The following ZFP62 variants were observed in gnomAD, a reference collection of about 807,000 sequenced individuals.
ZFP62 encodes zinc finger protein 62 homolog.
In ZFP62, 44 loss-of-function variants were observed where a neutral mutation model predicts 56.4. That is an observed-to-expected ratio of 0.78 (90% CI 0.61 to 1.00). The LOEUF (loss-of-function observed/expected upper bound fraction) is 1.00. Among genes scored for constraint, ZFP62 ranks in the 50% least tolerant of loss-of-function variants. The probability of loss-of-function intolerance (pLI) is 0.00; values close to 1 mark genes in which losing one functional copy is unlikely to be tolerated. For missense variants in ZFP62, 1,030 were observed against 1,085.7 expected (o/e 0.95, Z 0.72); for synonymous variants, 421 against 388.9 (o/e 1.08, Z -0.97).
chr5:180,828,864 G>A, the ZFP62 span, among the ~76,000 whole-genome samples: 37 of 152,306 alleles, frequency 2.4e-4, no homozygotes, highest in African/African-American at 8.4e-4. Flanking sequence ...TCTTTTCCTA[G>A]CAAGGAATAT....
chr5:180,852,463 A>C (rs1047410267), intron 1 of ZFP62, among the ~76,000 whole-genome samples: 2 of 151,336 alleles, frequency 1.3e-5, no homozygotes, highest in African/African-American at 2.4e-5. Flanking sequence ...CTGAGGGAGG[A>C]GAATCACTTG....
the ZFP62 span, among the ~76,000 whole-genome samples, chr5:180,828,778 A>G: frequency 6.6e-6 from 1 of 152,256 alleles, no homozygotes; most frequent in Admixed American, 6.5e-5. Context: ...CTGCGGGGTC[A>G]GGCAAAAAGA....
chr5:180,832,632 C>T, the ZFP62 span: 2 of 152,274 alleles, frequency 1.3e-5, no homozygotes, highest in East Asian at 3.9e-4. Context: ...ACAGTGTTTT[C>T]ACTTTCTATC....
the ZFP62 span, among the ~76,000 whole-genome samples, chr5:180,833,435 C>T: frequency 0.043 from 6,324 of 147,960 alleles, 395 homozygotes; most frequent in African/African-American, 0.14. Context: ...GCTGAGACTG[C>T]GCCACTGCAC....
the ZFP62 span, among the ~76,000 whole-genome samples, chr5:180,839,829 T>A: frequency 2.6e-5 from 4 of 152,316 alleles, no homozygotes; most frequent in African/African-American, 9.6e-5. Context: ...TCTGCTTGCC[T>A]CCTACCCCCT....
chr5:180,847,004 C>T (rs141660299), downstream of ZFP62, among the ~76,000 whole-genome samples: 20 of 152,266 alleles, frequency 1.3e-4, no homozygotes, highest in East Asian at 1.2e-3. Flanking sequence ...CCTTCCCCAC[C>T]GCAGCCATCA....
chr5:180,848,999 C>T lies in ZFP62; in HGVS notation c.2496G>A (p.Arg832=), dbSNP rs1773528381. 1 of 1,551,762 alleles carries T rather than the reference C, an allele frequency of 6.4e-7. No homozygotes were observed. Among genetic ancestry groups the T allele is most frequent in the East Asian group, 2.4e-5 (1 of 40,922 alleles). Residue 832 remains arginine, a synonymous_variant, in exon 2 of 2, where the codon AGG becomes AGA. Transcript: ENST00000502412. ...NYRSVLDQHK[R]IHTGKKPYRC... Reference sequence around the variant, plus strand: ...GGTATGGCTTCTTTCCAGTGTGGATCCTTTTGTGCTGGTCAAGGACTGATC... The same window carrying T: ...GGTATGGCTTCTTTCCAGTGTGGATTCTTTTGTGCTGGTCAAGGACTGATC...
rs1270549860 is a variant in ZFP62, at chr5:180,858,197, C to T, written c.1+3022G>A. On this transcript the variant is annotated intron_variant, in intron 1 of 1. Transcript: ENST00000502412. ...GCCTGAATCCAGAAGGTGGAGGTTG[C>T]AGTAAGCTGAGATTGTGCCATTGCA... Among the ~76,000 whole-genome samples, 9 of 116,484 alleles carry T rather than the reference C, an allele frequency of 7.7e-5. No individual in the cohort carries two copies. In the Admixed American group the frequency reaches 1.2e-3, roughly 15 times the overall value. 76.4% of individuals were successfully genotyped at this position (116,484 alleles called of 152,430 possible).
the ZFP62 span, chr5:180,835,538 C>A: frequency 2.6e-5 from 4 of 152,172 alleles, no homozygotes; most frequent in Non-Finnish European, 5.9e-5. Context: ...AATTTTCTTC[C>A]TCTGTGGATT....
the ZFP62 span, chr5:180,831,601 C>G: frequency 6.6e-6 from 1 of 152,562 alleles, no homozygotes; most frequent in Admixed American, 6.5e-5. Flanking sequence ...GGAGAGAGGC[C>G]CAGCAGGGGG....
chr5:180,843,055 A>T (rs2591483), downstream of ZFP62, among the ~76,000 whole-genome samples: 95,831 of 145,942 alleles, frequency 0.66, 33,170 homozygotes, highest in East Asian at 0.95. Context: ...AAAAAAAAAT[A>T]AATAAATAAA....
Position 180,848,971 on chromosome 5 carries a change from A to G in ZFP62, c.2524T>C (p.Cys842Arg), listed in dbSNP as rs1310567247. The change falls in exon 2 of 2, where the codon TGT (cysteine) becomes CGT (arginine). Residue 842 changes from cysteine to arginine, a missense_variant. Coordinates refer to ENST00000502412, the MANE Select transcript of ZFP62 (RefSeq NM_001172638.2). ...RIHTGKKPYR[C>R]NECGKAFNIR... ...TTAAAAGCCTTACCACACTCATTACATCGGTATGGCTTCTTTCCAGTGTGG... is the reference window on the plus strand; with the variant it reads ...TTAAAAGCCTTACCACACTCATTACGTCGGTATGGCTTCTTTCCAGTGTGG... The G allele has an allele frequency of 5.2e-6, 8 of 1,551,742 alleles. No homozygotes were observed. Among genetic ancestry groups the G allele is most frequent in the South Asian group, 3.6e-5 (3 of 84,066 alleles).
At chr5:180,852,658 C>G (rs1376387285) in intron 1 of ZFP62, among the ~76,000 whole-genome samples, 2 of 151,342 alleles carry the variant, frequency 1.3e-5, no homozygotes, top group East Asian at 3.9e-4. Context: ...AAAAGCTGTA[C>G]AAATGCCAGA....
At chr5:180,856,190 C>A (rs1773960305) in intron 1 of ZFP62, among the ~76,000 whole-genome samples, 1 of 152,244 alleles carries the variant, frequency 6.6e-6, no homozygotes, top group Non-Finnish European at 1.5e-5. Flanking sequence ...TCTGCTTAAA[C>A]CCCTCTGTTT....
the ZFP62 span, among the ~76,000 whole-genome samples, chr5:180,842,478 A>G: frequency 6.6e-6 from 1 of 152,006 alleles, no homozygotes; most frequent in East Asian, 1.9e-4. Flanking sequence ...AAAAGAAGCT[A>G]TTTTAAAAAG....
At chr5:180,827,703 A>G in the ZFP62 span, among the ~76,000 whole-genome samples, 4 of 152,166 alleles carry the variant, frequency 2.6e-5, no homozygotes, top group South Asian at 2.1e-4. Flanking sequence ...TGTGCTGAGG[A>G]GGATTAGTAT....
At position 180,848,491 on chromosome 5, in the gene ZFP62, A is replaced by C; in HGVS notation, c.*301T>G. ...AACTTCTAATTGAAGCCCTTTCCTC[A>C]TCTGTGTTTTATGTCCAGAAATGTC... On this transcript the variant is annotated 3_prime_UTR_variant, in exon 2 of 2. Transcript: ENST00000502412. 9.1e-7 allele frequency: 1 copy of C among 1,097,402 alleles called. No individual in the cohort carries two copies. The highest frequency in any genetic ancestry group is 1.1e-6 in the Non-Finnish European group (1 of 901,642). 68.0% of individuals were successfully genotyped at this position (1,097,402 alleles called of 1,614,324 possible).
the ZFP62 span, among the ~76,000 whole-genome samples, chr5:180,840,038 TAAAG>T: frequency 0.11 from 16,476 of 152,076 alleles, 2,194 homozygotes; most frequent in African/African-American, 0.32. Flanking sequence ...TGGGACTGCC[TAAAG>T]AAAGAATGTC....
At chr5:180,834,979 C>T in the ZFP62 span, 1 of 152,212 alleles carries the variant, frequency 6.6e-6, no homozygotes, top group Admixed American at 6.5e-5. Flanking sequence ...CAAAGACTGC[C>T]ATCTGCAAAC....
Sources: allele counts gnomAD v4.1 joint callset (sites outside exome capture counted in the v4.1 genomes callset), GRCh38; gene constraint gnomAD v4.1.1; transcripts MANE v1.5; gene names NCBI Gene and HGNC (gene_info 2026-07-23, HGNC 2026-07-21).